Variants in GRIK3 observed in about 807,000 individuals in gnomAD.
GRIK3 encodes glutamate ionotropic receptor kainate type subunit 3, also known as glutamate receptor ionotropic, kainate 3.
A neutral mutation model predicts 102.5 loss-of-function variants in GRIK3; 29 were observed. The ratio of observed to expected loss-of-function variants is 0.28; its 90% CI spans 0.21 to 0.39. GRIK3 has a LOEUF of 0.39. Ranked by LOEUF, GRIK3 falls within the 10% of genes least tolerant of loss-of-function variation. The probability of loss-of-function intolerance (pLI) is 1.00; values close to 1 mark genes in which losing one functional copy is unlikely to be tolerated. For synonymous variants in GRIK3, 511 were observed against 504.9 expected (o/e 1.01, Z -0.16); for missense variants, 908 against 1,252.4 (o/e 0.73, Z 4.15).
At chr1:36,905,637 G>T (rs1641277734) in intron 1 of GRIK3, among the ~76,000 whole-genome samples, 1 of 152,112 alleles carries the variant, frequency 6.6e-6, no homozygotes, top group Non-Finnish European at 1.5e-5. Context: ...CATATTTACA[G>T]AAGAAAGACT....
chr1:36,862,329 T>G (rs1350879224), intron 5 of GRIK3, among the ~76,000 whole-genome samples: 1 of 152,162 alleles, frequency 6.6e-6, no homozygotes, highest in African/African-American at 2.4e-5. Context: ...AGAGAGCTGG[T>G]TGTTAAACAT....
At chr1:36,890,170 C>T (rs940726367) in intron 2 of GRIK3, among the ~76,000 whole-genome samples, 1 of 152,054 alleles carries the variant, frequency 6.6e-6, no homozygotes, top group Non-Finnish European at 1.5e-5. Flanking sequence ...GCAGAGTGGC[C>T]TCAAAAATGT....
chr1:36,819,899 A>G lies in GRIK3; in HGVS notation c.1755-45T>C. 1.0e-6 allele frequency: 1 copy of G among 976,466 alleles called. No individual in the cohort carries two copies. The highest frequency in any genetic ancestry group is 1.6e-6 in the Non-Finnish European group (1 of 616,622). 60.5% of individuals were successfully genotyped at this position (976,466 alleles called of 1,614,324 possible). A position where few individuals can be genotyped will look rare whatever the true frequency, so the allele number is the denominator to read the frequency against. On this transcript the variant is annotated intron_variant, in intron 11 of 15. Coordinates refer to ENST00000373091, the MANE Select transcript of GRIK3 (RefSeq NM_000831.4). The surrounding 1 kb of genome is among the most constrained non-coding windows in gnomAD (Gnocchi z 4.1). ...ACAGTCAGCCTGGGAAGCAAGGGGC[A>G]TCCACGCCCCAGCAGGCAGTGGTTT...
At chr1:36,993,036 G>A (rs1404335441) in intron 1 of GRIK3, among the ~76,000 whole-genome samples, 2 of 151,924 alleles carry the variant, frequency 1.3e-5, no homozygotes, top group Non-Finnish European at 2.9e-5. Flanking sequence ...ACATCAGTGC[G>A]AACATGGCAG....
intron 1 of GRIK3, among the ~76,000 whole-genome samples, chr1:36,924,697 G>C (rs149675710): frequency 1.3e-5 from 2 of 152,148 alleles, no homozygotes; most frequent in Non-Finnish European, 2.9e-5. Flanking sequence ...TCCAGAGGCC[G>C]TGCTCAAGCT....
At chr1:36,962,640 AAGAGAGAG>A (rs5773557) in intron 1 of GRIK3, among the ~76,000 whole-genome samples, 75 of 145,058 alleles carry the variant, frequency 5.2e-4, no homozygotes, top group African/African-American at 1.6e-3. Context: ...GAGGGAGAGG[AAGAGAGAG>A]AGAGAGAGAG....
intron 1 of GRIK3, among the ~76,000 whole-genome samples, chr1:37,016,518 A>G (rs1459350041): frequency 6.6e-6 from 1 of 152,238 alleles, no homozygotes; most frequent in Non-Finnish European, 1.5e-5. Flanking sequence ...GGCCAGCAGA[A>G]ACCTAGAGTG....
At chr1:36,928,938 A>G (rs1641559000) in intron 1 of GRIK3, among the ~76,000 whole-genome samples, 1 of 152,236 alleles carries the variant, frequency 6.6e-6, no homozygotes. Context: ...TGAACCCTAA[A>G]GAATGGGTAA....
intron 9 of GRIK3, among the ~76,000 whole-genome samples, chr1:36,848,169 C>T (rs1640541050): frequency 6.6e-6 from 1 of 152,212 alleles, no homozygotes; most frequent in Admixed American, 6.5e-5. Flanking sequence ...GTTTTATGCC[C>T]TTGAAATCAG....
At position 36,806,216 on chromosome 1, in the gene GRIK3, G is replaced by A. The variant is rs373465990; in HGVS notation, c.2202C>T (p.Tyr734=). 30 of 1,613,920 alleles carry A rather than the reference G, an allele frequency of 1.9e-5. No homozygotes were observed. The highest frequency in any genetic ancestry group is 1.6e-4 in the East Asian group (7 of 44,876). The part of the protein sequence containing the change: ...EGIQRALTAD[Y]ALLMESTTIE... ...TGGTGGTGGACTCCATGAGCAGCGCGTAGTCGGCCGTCAGGGCCCTCTGGA... is the reference window on the plus strand; with the variant it reads ...TGGTGGTGGACTCCATGAGCAGCGCATAGTCGGCCGTCAGGGCCCTCTGGA... Residue 734 remains tyrosine (Y), a synonymous_variant, in exon 14 of 16, where the codon TAC becomes TAT. Transcript: ENST00000373091. The surrounding 1 kb of genome is among the most constrained non-coding windows in gnomAD (Gnocchi z 4.0).
At chr1:36,977,756 CTCT>C (rs3834056) in intron 1 of GRIK3, among the ~76,000 whole-genome samples, 23,489 of 152,126 alleles carry the variant, frequency 0.15, 2,498 homozygotes, top group African/African-American at 0.31. Context: ...CTGAGGGTTT[CTCT>C]TCTGTCAGCC....
intron 1 of GRIK3, among the ~76,000 whole-genome samples, chr1:37,011,358 C>G (rs1052673723): frequency 1.3e-5 from 2 of 152,236 alleles, no homozygotes; most frequent in African/African-American, 4.8e-5. Context: ...GAACACTTCA[C>G]ACTATTAGTT....
chr1:36,807,980 A>T (rs1156723000), intron 13 of GRIK3, among the ~76,000 whole-genome samples: 1 of 151,800 alleles, frequency 6.6e-6, no homozygotes, highest in Non-Finnish European at 1.5e-5. Flanking sequence ...CTCTCCAGCT[A>T]CTCCAGCTCT....
chr1:37,009,770 T>C (rs1642569897), intron 1 of GRIK3, among the ~76,000 whole-genome samples: 1 of 152,034 alleles, frequency 6.6e-6, no homozygotes, highest in African/African-American at 2.4e-5. Context: ...GGTATGCAAA[T>C]GGGGCTGGGC....
intron 1 of GRIK3, among the ~76,000 whole-genome samples, chr1:37,021,125 T>A (rs1179511484): frequency 1.6e-4 from 19 of 119,418 alleles, no homozygotes; most frequent in East Asian, 6.2e-4. Context: ...TGTGTGTGTC[T>A]GTGAGAGAGA....
chr1:36,982,834 G>A (rs1331924244), intron 1 of GRIK3, among the ~76,000 whole-genome samples: 2 of 152,042 alleles, frequency 1.3e-5, no homozygotes, highest in Admixed American at 6.5e-5. Flanking sequence ...GGGGGAAGGA[G>A]GGGGAGCGCC....
intron 13 of GRIK3, among the ~76,000 whole-genome samples, chr1:36,815,271 C>T (rs974106744): frequency 1.3e-5 from 2 of 152,200 alleles, no homozygotes; most frequent in African/African-American, 4.8e-5. Context: ...CTCTTCACTA[C>T]AAAGCTGTTT....
chr1:36,932,247 T>C, intron 1 of GRIK3, among the ~76,000 whole-genome samples: 1 of 152,310 alleles, frequency 6.6e-6, no homozygotes, highest in South Asian at 2.1e-4. Flanking sequence ...TCGATGCTTG[T>C]TTTAATTCTT....
chr1:36,827,374 G>A (rs929552141), intron 10 of GRIK3, among the ~76,000 whole-genome samples: 1 of 152,132 alleles, frequency 6.6e-6, no homozygotes, highest in Non-Finnish European at 1.5e-5. Flanking sequence ...CCTTCCTCAA[G>A]TAGGAGAGGA....
Sources: gnomAD v4.1 joint callset for allele counts (sites outside exome capture counted in the v4.1 genomes callset) on GRCh38, gnomAD v4.1.1 for gene constraint, Gnocchi (gnomAD v3.1) non-coding constraint, MANE v1.5 for transcripts, NCBI Gene and HGNC (gene_info 2026-07-23, HGNC 2026-07-21) for gene names.